Variants in ZBTB20 observed in about 807,000 individuals in gnomAD.
The protein encoded by ZBTB20 is zinc finger and BTB domain containing 20.
A neutral mutation model predicts 56.9 loss-of-function variants in ZBTB20; 9 were observed. That is an observed-to-expected ratio of 0.16 (90% confidence interval 0.10 to 0.28). ZBTB20 has a LOEUF of 0.28. Ranked by LOEUF, ZBTB20 falls within the 10% of genes least tolerant of loss-of-function variation. The pLI, the probability that ZBTB20 is intolerant of heterozygous loss-of-function variation, is 1.00. For missense variants in ZBTB20, 655 were observed against 1,003.0 expected, an observed-to-expected ratio of 0.65 and a Z score of 4.69; for synonymous variants, 417 against 420.7, an observed-to-expected ratio of 0.99 and a Z score of 0.11.
chr3:114,345,313 T>C (rs1445554417), intron 11 of ZBTB20, among the ~76,000 whole-genome samples: 3 of 152,218 alleles, frequency 2.0e-5, no homozygotes, highest in African/African-American at 7.2e-5. Flanking sequence ...TCACAGAGTT[T>C]ACATTCTAAA....
chr3:114,784,118 T>A (rs1048844759), intron 5 of ZBTB20, among the ~76,000 whole-genome samples: 2 of 152,232 alleles, frequency 1.3e-5, no homozygotes, highest in African/African-American at 4.8e-5. Context: ...ACCACAATTC[T>A]AGATTTTTTA....
chr3:114,555,278 C>A (rs1230157323), intron 6 of ZBTB20, among the ~76,000 whole-genome samples: 1 of 152,052 alleles, frequency 6.6e-6, no homozygotes, highest in East Asian at 1.9e-4. Flanking sequence ...GATCTTGATT[C>A]TTTTCGTCAC....
rs2079314959 is a variant in ZBTB20, at chr3:114,332,947, C to T, written c.*6058G>A. The T allele has an allele frequency of 1.3e-5, 2 of 152,220 alleles. No homozygotes were observed. Among genetic ancestry groups the T allele is most frequent in the South Asian group, 4.2e-4 (2 of 4,814 alleles). The allele number at this position is 152,220 out of a possible 1,614,324, so 9.4% of individuals were successfully genotyped here. On this transcript the variant is annotated 3_prime_UTR_variant, in exon 12 of 12. Coordinates refer to ENST00000675478, the MANE Select transcript of ZBTB20 (RefSeq NM_001348800.3). Reference sequence around the variant, plus strand: ...AAATACATAGTTCTGAAAAAGAACCCACACTAGGTAGCCCTAATTTTCTAT... The same window carrying T: ...AAATACATAGTTCTGAAAAAGAACCTACACTAGGTAGCCCTAATTTTCTAT...
At chr3:115,077,319 CT>C (rs1006835550) in intron 1 of ZBTB20, among the ~76,000 whole-genome samples, 2 of 152,128 alleles carry the variant, frequency 1.3e-5, no homozygotes, top group African/African-American at 4.8e-5. Context: ...AGAAGCAGGG[CT>C]TTTAGGAGGT....
At chr3:114,863,610 C>A (rs1247906350) in intron 4 of ZBTB20, among the ~76,000 whole-genome samples, 1 of 152,032 alleles carries the variant, frequency 6.6e-6, no homozygotes, top group Admixed American at 6.6e-5. Flanking sequence ...CATGGCCTAC[C>A]TCTGTCCACT....
intron 1 of ZBTB20, among the ~76,000 whole-genome samples, chr3:115,109,332 T>C (rs566037274): frequency 3.9e-5 from 6 of 152,296 alleles, no homozygotes; most frequent in Admixed American, 3.3e-4. Flanking sequence ...CATAGATGTT[T>C]GTCAAGCAGG....
Position 114,324,123 on chromosome 3 carries a change from G to A in ZBTB20, c.*14882C>T, listed in dbSNP as rs1009479761. On this transcript the variant is annotated 3_prime_UTR_variant, in exon 12 of 12. Transcript: ENST00000675478. ...AGTAGAGAAACTAGCATGCACCTAT[G>A]TATTTTCTGTAAAACATTAAGCCAA... The A allele has an allele frequency of 4.6e-5, 7 of 152,114 alleles. No individual in the cohort carries two copies. Among genetic ancestry groups the A allele is most frequent in the African/African-American group, 1.7e-4 (7 of 41,422 alleles). The allele number at this position is 152,114 out of a possible 1,614,324, so 9.4% of individuals were successfully genotyped here. A position where few individuals can be genotyped will look rare whatever the true frequency, so the allele number is the denominator to read the frequency against.
intron 2 of ZBTB20, among the ~76,000 whole-genome samples, chr3:115,027,775 G>A (rs1464139526): frequency 1.3e-5 from 2 of 150,478 alleles, no homozygotes; most frequent in Non-Finnish European, 3.0e-5. Flanking sequence ...AAAATCTCAG[G>A]ACATAATCTT....
chr3:114,770,750 A>C (rs952471188), intron 5 of ZBTB20, among the ~76,000 whole-genome samples: 2 of 152,236 alleles, frequency 1.3e-5, no homozygotes, highest in African/African-American at 4.8e-5. Flanking sequence ...CATTTTAATT[A>C]TAGCTTGAAT....
chr3:115,028,286 T>TA (rs992690654), intron 2 of ZBTB20, among the ~76,000 whole-genome samples: 1 of 150,770 alleles, frequency 6.6e-6, no homozygotes, highest in African/African-American at 2.4e-5. Flanking sequence ...AGCAAAAGCC[T>TA]AAAACAGTAC....
At chr3:115,144,236 G>A (rs999428357) in intron 1 of ZBTB20, among the ~76,000 whole-genome samples, 3 of 152,028 alleles carry the variant, frequency 2.0e-5, no homozygotes, top group African/African-American at 4.8e-5. Context: ...ATTATAGATC[G>A]CAGGAACTTA....
chr3:114,408,609 T>C (rs1172570260), intron 7 of ZBTB20, among the ~76,000 whole-genome samples: 1 of 151,986 alleles, frequency 6.6e-6, no homozygotes, highest in Non-Finnish European at 1.5e-5. Flanking sequence ...TTTTCTCACA[T>C]CTCTGTTTGC....
intron 2 of ZBTB20, among the ~76,000 whole-genome samples, chr3:115,053,826 A>G (rs1478931766): frequency 6.6e-6 from 1 of 152,110 alleles, no homozygotes; most frequent in Non-Finnish European, 1.5e-5. Flanking sequence ...CCAGAAAAAT[A>G]AAGAGGAAAA....
intron 2 of ZBTB20, among the ~76,000 whole-genome samples, chr3:114,981,623 T>C (rs1398109498): frequency 6.6e-6 from 1 of 152,032 alleles, no homozygotes; most frequent in East Asian, 1.9e-4. Flanking sequence ...GCGCTTTTAT[T>C]TGTATTTACT....
At chr3:114,345,140 T>C (rs1010228286) in intron 11 of ZBTB20, among the ~76,000 whole-genome samples, 14 of 152,346 alleles carry the variant, frequency 9.2e-5, no homozygotes, top group South Asian at 2.1e-4. Context: ...CGTGTTCACA[T>C]TTTAAAATTT....
chr3:114,982,694 G>T (rs1456547425), intron 2 of ZBTB20, among the ~76,000 whole-genome samples: 1 of 152,002 alleles, frequency 6.6e-6, no homozygotes, highest in Non-Finnish European at 1.5e-5. Context: ...AGTCCTGTGG[G>T]TACATGTGCA....
intron 3 of ZBTB20, among the ~76,000 whole-genome samples, chr3:114,915,951 T>C (rs2075727467): frequency 1.3e-5 from 2 of 152,066 alleles, no homozygotes; most frequent in South Asian, 4.1e-4. Flanking sequence ...TTTTTGAATA[T>C]TTTAAAGCTT....
At chr3:114,985,304 A>G (rs16823438) in intron 2 of ZBTB20, among the ~76,000 whole-genome samples, 4,642 of 152,154 alleles carry the variant, frequency 0.031, 86 homozygotes, top group South Asian at 0.039. Context: ...AGTGCTTACA[A>G]TGTGCAAGGT....
chr3:115,003,229 A>C (rs758638370), intron 2 of ZBTB20, among the ~76,000 whole-genome samples: 4 of 151,624 alleles, frequency 2.6e-5, no homozygotes, highest in Non-Finnish European at 4.4e-5. Flanking sequence ...TGGGCACATA[A>C]CATCATGCAT....
Sources: allele counts gnomAD v4.1 joint callset (sites outside exome capture counted in the v4.1 genomes callset), GRCh38; gene constraint gnomAD v4.1.1; transcripts MANE v1.5; gene names NCBI Gene and HGNC (gene_info 2026-07-23, HGNC 2026-07-21).